UNC5C: variants seen among roughly 807,000 people sequenced by gnomAD.
UNC5C encodes netrin receptor UNC5C.
In UNC5C, 47 loss-of-function variants were observed where a neutral mutation model predicts 99.8. The ratio of observed to expected loss-of-function variants is 0.47; its 90% CI spans 0.37 to 0.60. The LOEUF (loss-of-function observed/expected upper bound fraction) is 0.60. Ranked by LOEUF, UNC5C falls within the 20% of genes least tolerant of loss-of-function variation. The pLI is 0.00. For synonymous variants in UNC5C, 487 were observed against 452.2 expected, an observed-to-expected ratio of 1.08 and a Z score of -0.98; for missense variants, 1,062 against 1,165.9, an observed-to-expected ratio of 0.91 and a Z score of 1.30.
intron 1 of UNC5C, among the ~76,000 whole-genome samples, chr4:95,349,322 G>GGTGTGT (rs151051852): frequency 1.9e-4 from 23 of 120,706 alleles, no homozygotes; most frequent in South Asian, 3.2e-4. Flanking sequence ...AGAGAGAAAG[G>GGTGTGT]GTGTGTGTGT....
chr4:95,163,903 C>T lies in UNC5C; in HGVS notation c.*5331G>A, dbSNP rs979119918. 1 of 152,214 alleles carries T rather than the reference C, an allele frequency of 6.6e-6. No individual in the cohort carries two copies. Among genetic ancestry groups the T allele is most frequent in the East Asian group, 1.9e-4 (1 of 5,184 alleles). The allele number at this position is 152,214 out of a possible 1,614,324, so 9.4% of individuals were successfully genotyped here. Reference sequence around the variant, plus strand: ...TGAAGAGCTGCTAATAATTGGTGGGCTTGCTGTGCCAGTACACTTGCGGAG... The same window carrying T: ...TGAAGAGCTGCTAATAATTGGTGGGTTTGCTGTGCCAGTACACTTGCGGAG... On this transcript the variant is annotated 3_prime_UTR_variant, in exon 16 of 16. Coordinates refer to ENST00000453304, the MANE Select transcript of UNC5C (RefSeq NM_003728.4).
intron 1 of UNC5C, among the ~76,000 whole-genome samples, chr4:95,365,295 C>CAA (rs11332755): frequency 1.2e-4 from 13 of 108,014 alleles, no homozygotes; most frequent in African/African-American, 3.9e-4. Flanking sequence ...GAATCTGTCT[C>CAA]AAAAAAAAAA....
intron 2 of UNC5C, among the ~76,000 whole-genome samples, chr4:95,329,986 G>C (rs1433797114): frequency 6.6e-6 from 1 of 152,100 alleles, no homozygotes; most frequent in Non-Finnish European, 1.5e-5. Flanking sequence ...GAATGAGATA[G>C]ATTCAAGTTT....
chr4:95,485,944 C>A lies in UNC5C; in HGVS notation c.124+62790G>T, dbSNP rs183811129. Among the ~76,000 whole-genome samples the A allele has an allele frequency of 3.4e-4, 52 of 151,180 alleles. 1 individual carries two copies. In the East Asian group the frequency reaches 9.6e-3, roughly 28 times the overall value. ...TTTCCATTAAGAATTAAGAACCCTG[C>A]GATCATCAAAAAAAGTTGCATGACA... On this transcript the variant is annotated intron_variant, in intron 1 of 15. Coordinates refer to ENST00000453304, the MANE Select transcript of UNC5C (RefSeq NM_003728.4).
At chr4:95,250,388 T>G in intron 5 of UNC5C, 99 bp downstream of exon 5, 1 of 1,301,176 alleles carries the variant, frequency 7.7e-7, no homozygotes, top group Non-Finnish European at 1.1e-6. Flanking sequence ...CTGTCTCAAA[T>G]AATATGAAAT....
intron 3 of UNC5C, among the ~76,000 whole-genome samples, chr4:95,279,708 C>G (rs1231478157): frequency 1.3e-5 from 2 of 152,060 alleles, no homozygotes; most frequent in African/African-American, 4.8e-5. Context: ...TTCTGTTATC[C>G]CAGGTCCCTG....
intron 4 of UNC5C, among the ~76,000 whole-genome samples, chr4:95,261,874 T>C (rs945508357): frequency 6.6e-6 from 1 of 152,130 alleles, no homozygotes; most frequent in African/African-American, 2.4e-5. Context: ...CAGCTAATTT[T>C]TTCTATTTTT....
At chr4:95,471,622 A>G (rs1747971217) in intron 1 of UNC5C, among the ~76,000 whole-genome samples, 1 of 152,118 alleles carries the variant, frequency 6.6e-6, no homozygotes, top group Non-Finnish European at 1.5e-5. Flanking sequence ...TCTTATTGGA[A>G]GAGTAATTTT....
chr4:95,482,368 G>A (rs1020247165), intron 1 of UNC5C, among the ~76,000 whole-genome samples: 1 of 152,076 alleles, frequency 6.6e-6, no homozygotes, highest in African/African-American at 2.4e-5. Context: ...AACAGGTGCT[G>A]GAGAGGATAT....
rs189675170 is a variant in UNC5C at position 95,177,432 on chromosome 4, C to T, written c.2451+5465G>A. 2.5e-3 allele frequency among the ~76,000 whole-genome samples: 383 copies of T among 152,236 alleles called. 2 individuals are homozygous for T. The highest frequency in any genetic ancestry group is 8.6e-3 in the African/African-American group (359 of 41,544). ...GCGCCCCCCATATGCTGCCCTGCAC[C>T]GCTTCAGTGGCCTCCCCAGCCGTGA... On this transcript the variant is annotated intron_variant, in intron 14 of 15. Coordinates refer to ENST00000453304, the MANE Select transcript of UNC5C (RefSeq NM_003728.4).
intron 1 of UNC5C, among the ~76,000 whole-genome samples, chr4:95,525,828 G>T (rs935379487): frequency 3.9e-5 from 6 of 152,036 alleles, no homozygotes; most frequent in African/African-American, 1.4e-4. Flanking sequence ...AGGTAAGGGG[G>T]CTATATCAAC....
chr4:95,331,448 T>G (rs1368038295), intron 2 of UNC5C, among the ~76,000 whole-genome samples: 3 of 152,090 alleles, frequency 2.0e-5, no homozygotes, highest in Non-Finnish European at 4.4e-5. Flanking sequence ...TTTTCAAAAC[T>G]TTAAAGGTAA....
chr4:95,538,518 T>G (rs953439076), intron 1 of UNC5C, among the ~76,000 whole-genome samples: 1 of 152,180 alleles, frequency 6.6e-6, no homozygotes, highest in Non-Finnish European at 1.5e-5. Context: ...GGATTTAGAC[T>G]TGTAATCTGA....
chr4:95,476,316 C>T (rs1200353779), intron 1 of UNC5C, among the ~76,000 whole-genome samples: 2 of 152,018 alleles, frequency 1.3e-5, no homozygotes, highest in Non-Finnish European at 2.9e-5. Context: ...AAGCAGTTGG[C>T]CTCCAGTCTT....
intron 1 of UNC5C, among the ~76,000 whole-genome samples, chr4:95,510,210 A>G (rs920197712): frequency 2.0e-5 from 3 of 151,724 alleles, no homozygotes; most frequent in African/African-American, 7.3e-5. Flanking sequence ...TTTATTAGAC[A>G]TATGTTTATT....
At chr4:95,530,986 T>C (rs1197092107) in intron 1 of UNC5C, among the ~76,000 whole-genome samples, 1 of 152,228 alleles carries the variant, frequency 6.6e-6, no homozygotes, top group African/African-American at 2.4e-5. Flanking sequence ...AAGCTTTGTT[T>C]ACATCATAAA....
chr4:95,244,239 T>C (rs1428248901), intron 6 of UNC5C, among the ~76,000 whole-genome samples: 1 of 152,176 alleles, frequency 6.6e-6, no homozygotes, highest in East Asian at 1.9e-4. Flanking sequence ...TAGCTTAGCT[T>C]TGGAATATAT....
chr4:95,503,525 G>A (rs1012519266), intron 1 of UNC5C, among the ~76,000 whole-genome samples: 4 of 152,026 alleles, frequency 2.6e-5, no homozygotes, highest in Non-Finnish European at 5.9e-5. Flanking sequence ...CTATTAGAGA[G>A]TCATTTGACA....
At chr4:95,504,708 G>A (rs1023653804) in intron 1 of UNC5C, among the ~76,000 whole-genome samples, 1 of 152,012 alleles carries the variant, frequency 6.6e-6, no homozygotes, top group African/African-American at 2.4e-5. Flanking sequence ...AACAAGGCAC[G>A]AAAAATTAAC....
Sources: gnomAD v4.1 joint callset for allele counts (sites outside exome capture counted in the v4.1 genomes callset) on GRCh38, gnomAD v4.1.1 for gene constraint, MANE v1.5 for transcripts, NCBI Gene and HGNC (gene_info 2026-07-23, HGNC 2026-07-21) for gene names.